TTN: variants seen among roughly 807,000 people sequenced by gnomAD.
TTN encodes the protein connectin.
Under a neutral mutation model 3,223.0 loss-of-function variants are expected in TTN, and 1,525 were observed. The observed-to-expected ratio is 0.47, with a 90% confidence interval of 0.45 to 0.49. The LOEUF (loss-of-function observed/expected upper bound fraction) is 0.49. Among genes scored for constraint, TTN ranks in the 20% least tolerant of loss-of-function variants. The pLI, the probability that TTN is intolerant of heterozygous loss-of-function variation, is 0.00. For synonymous variants in TTN, 14,094 were observed against 15,161.0 expected, an observed-to-expected ratio of 0.93 and a Z score of 5.17; for missense variants, 40,786 against 43,424.0, an observed-to-expected ratio of 0.94 and a Z score of 5.40.
Position 178,570,873 on chromosome 2 carries a change from C to G in TTN, c.75259G>C (p.Ala25087Pro), listed in dbSNP as rs759110420. The G allele has an allele frequency of 6.2e-7, 1 of 1,613,534 alleles. No homozygotes were observed. Residue 25087 changes from alanine (A) to proline (P), a missense_variant, in exon 326 of 363, where the codon GCA becomes CCA. Transcript: ENST00000589042. ...YEFRVIARNAAGVFSEPSEST... is the reference protein window; with the variant it reads ...YEFRVIARNAPGVFSEPSEST... ...TCTGAAGGCTCACTAAACACTCCTG[C>G]GGCATTTCGGGCTATAACCCGGAAC...
At position 178,746,439 on chromosome 2, in the gene TTN, C is replaced by T. The variant is rs397517817; in HGVS notation, c.11312-4518G>A. 6.2e-6 allele frequency: 10 copies of T among 1,611,240 alleles called. No individual in the cohort carries two copies. The highest frequency in any genetic ancestry group is 5.0e-5 in the Admixed American group (3 of 59,620). The stretch of plus-strand genomic sequence containing the variant: ...TTCACCTGCTTCTCAAATTCTTTAA[C>T]GTCTTTTTCACTTAATTCAACTTCC... On this transcript the variant is annotated intron_variant, in intron 47 of 362. Coordinates refer to ENST00000589042, the MANE Select transcript of TTN (RefSeq NM_001267550.2).
chr2:178,749,191 A>G, intron 47 of TTN: 1 of 1,611,226 alleles, frequency 6.2e-7, no homozygotes, highest in Non-Finnish European at 8.5e-7. Context: ...TTTCTGATCT[A>G]CCAAGTTTTC....
rs1348119178 is a variant in TTN at position 178,569,363 on chromosome 2, T to C, written c.76769A>G (p.Lys25590Arg). ...TLTLENSSGT[K>R]SAFVTVRVLD... is the part of the protein sequence containing the mutation. Reference sequence around the variant, plus strand: ...AACTCTCACAGTAACAAAGGCAGACTTTGTTCCACTGCTGTTTTCTAATGT... The same window carrying C: ...AACTCTCACAGTAACAAAGGCAGACCTTGTTCCACTGCTGTTTTCTAATGT... Residue 25590 changes from lysine to arginine, a missense_variant, in exon 326 of 363, where the codon AAG becomes AGG. Physicochemically the swap from Lys to Arg is conservative, Grantham distance 26 (BLOSUM62 2). Transcript: ENST00000589042. 6.2e-7 allele frequency: 1 copy of C among 1,613,444 alleles called. No homozygotes were observed. Among genetic ancestry groups the C allele is most frequent in the Non-Finnish European group, 8.5e-7 (1 of 1,179,568 alleles).
Position 178,664,461 on chromosome 2 carries a change from T to C in TTN, c.36279A>G (p.Lys12093=). Residue 12093 remains lysine, a splice_region_variant and synonymous_variant, in exon 168 of 363, where the codon AAA becomes AAG. Coordinates refer to ENST00000589042, the MANE Select transcript of TTN (RefSeq NM_001267550.2). The stretch of plus-strand genomic sequence containing the variant: ...ATAAAAAGACAGTTAAGAATGTACC[T>C]TTGACAGGTACAACTTCAGCCCTTT... ...PPQRAEVVPV[K]VHEAPKEIIP... is the part of the protein sequence containing the mutation. 6.2e-7 allele frequency: 1 copy of C among 1,609,770 alleles called. No homozygotes were observed. Among genetic ancestry groups the C allele is most frequent in the Non-Finnish European group, 8.5e-7 (1 of 1,177,830 alleles).
At chr2:178,694,142 T>G in intron 117 of TTN, 134 bp from the exon 118 acceptor site, 1 of 631,714 alleles carries the variant, frequency 1.6e-6, no homozygotes. Flanking sequence ...ACAAATTCAG[T>G]ATTGACAAGA....
intron 156 of TTN, 66 bp downstream of exon 156, chr2:178,671,024 G>A (rs1247536869): frequency 4.9e-6 from 6 of 1,212,690 alleles, no homozygotes; most frequent in Admixed American, 2.4e-5. Context: ...GCAAACTTGT[G>A]CTTATAAAGC....
At chr2:178,603,826 A>G (rs1559707590) in intron 282 of TTN, 50 bp downstream of exon 282, 1 of 1,475,854 alleles carries the variant, frequency 6.8e-7, no homozygotes, top group African/African-American at 1.4e-5. Flanking sequence ...TTATCCATTT[A>G]GTGACTTTGT....
At position 178,684,062 on chromosome 2, in the gene TTN, C is replaced by G. The variant is rs72650032; in HGVS notation, c.32743G>C (p.Ala10915Pro). Reference sequence around the variant, plus strand: ...TTCAGAACTTTTTCTTCTGGGACAGCTCTCTTCGGTTCCTCTGGCACTTTA... The same window carrying G: ...TTCAGAACTTTTTCTTCTGGGACAGGTCTCTTCGGTTCCTCTGGCACTTTA... ...KARVPEEPKR[A>P]VPEEKVLKLK... is the part of the protein sequence containing the mutation. The change falls in exon 133 of 363, where the codon GCT (alanine) becomes CCT (proline). Residue 10915 changes from alanine to proline, a missense_variant. By Grantham distance (27) the Ala-to-Pro change is conservative (BLOSUM62 -1). Transcript: ENST00000589042. 5.4e-4 allele frequency: 873 copies of G among 1,611,914 alleles called. 5 individuals carry two copies. The African/African-American group carries it at 0.011, about 19-fold the overall frequency.
chr2:178,718,021 T>C lies in TTN; in HGVS notation c.24985A>G (p.Ser8329Gly). The C allele has an allele frequency of 1.2e-6, 2 of 1,613,802 alleles. No homozygotes were observed. The highest frequency in any genetic ancestry group is 1.7e-6 in the Non-Finnish European group (2 of 1,179,710). ...TTGCATGAATACTCTCCCACATCAC[T>C]GTGATCCACTTTGTTGATTACTAAG... ...ASLVINKVDHSDVGEYSCKAD... is the reference protein window; with the variant it reads ...ASLVINKVDHGDVGEYSCKAD... The change falls in exon 86 of 363, where the codon AGT (serine) becomes GGT (glycine). Residue 8329 changes from serine to glycine, a missense_variant. Physicochemically the swap from Ser to Gly is moderately conservative, Grantham distance 56 (BLOSUM62 0). Coordinates refer to ENST00000589042, the MANE Select transcript of TTN (RefSeq NM_001267550.2).
intron 137 of TTN, 71 bp downstream of exon 137, chr2:178,681,305 G>A (rs2069333616): frequency 1.4e-6 from 2 of 1,475,858 alleles, no homozygotes; most frequent in South Asian, 1.2e-5. Flanking sequence ...ACCATCAGAC[G>A]GGCTAGGAAG....
rs1414594344 is a variant in TTN, at chr2:178,653,255, T to G, written c.38774A>C (p.Glu12925Ala). 3.1e-6 allele frequency: 5 copies of G among 1,612,222 alleles called. No individual in the cohort carries two copies. Among genetic ancestry groups the G allele is most frequent in the Non-Finnish European group, 4.2e-6 (5 of 1,179,354 alleles). The change falls in exon 198 of 363, where the codon GAA becomes GCA. Residue 12925 changes from glutamate to alanine, a missense_variant. Coordinates refer to ENST00000589042, the MANE Select transcript of TTN (RefSeq NM_001267550.2). ...KVPLAPPKKP[E>A]VPPVKVPEAP... ...ACAAATACCTTTAACAGGTGGGACT[T>G]CAGGCTTTTTAGGAGGAGCCAAGGG...
At position 178,586,827 on chromosome 2, in the gene TTN, TAGA is replaced by T. The variant is rs1221262514; in HGVS notation, c.64094-23_64094-21del. ...GCTCACCTAGAAGAAAAACATAATTTAGAAGATTACCTAGGTAACCTAATCAAA... is the reference window on the plus strand; with the variant it reads ...GCTCACCTAGAAGAAAAACATAATTTAGATTACCTAGGTAACCTAATCAAA... On this transcript the variant is annotated intron_variant, in intron 307 of 362. Coordinates refer to ENST00000589042, the MANE Select transcript of TTN (RefSeq NM_001267550.2). 1.9e-6 allele frequency: 3 copies of T among 1,602,872 alleles called. No individual in the cohort carries two copies. The highest frequency in any genetic ancestry group is 2.5e-6 in the Non-Finnish European group (3 of 1,177,084).
chr2:178,641,315 A>G lies in TTN; in HGVS notation c.40559T>C (p.Val13520Ala). 2 of 1,467,768 alleles carry G rather than the reference A, an allele frequency of 1.4e-6. No homozygotes were observed. The highest frequency in any genetic ancestry group is 2.5e-5 in the East Asian group (1 of 39,534). The allele number at this position is 1,467,768 out of a possible 1,614,324, so 90.9% of individuals were successfully genotyped here. A position where few individuals can be genotyped will look rare whatever the true frequency, so the allele number is the denominator to read the frequency against. The change falls in exon 220 of 363, where the codon GTT (valine) becomes GCT (alanine). Residue 13520 changes from valine (V) to alanine (A), a missense_variant and splice_region_variant. Coordinates refer to ENST00000589042, the MANE Select transcript of TTN (RefSeq NM_001267550.2). The part of the protein sequence containing the change: ...EPKEEVVLKS[V>A]LRKRPEEEEP... ...TTCTTCTTCAGGTCTTTTTCTTAGA[A>G]CTTTAAAGACAAAAAGGTTTATATG...
intron 208 of TTN, 108 bp downstream of exon 208, chr2:178,651,135 T>C (rs2062873950): frequency 1.1e-6 from 1 of 893,406 alleles, no homozygotes. Flanking sequence ...AGAATGACAG[T>C]TTTGTAGTTG....
At position 178,545,495 on chromosome 2, in the gene TTN, C is replaced by G. The variant is rs1696652076; in HGVS notation, c.95615G>C (p.Ser31872Thr). The G allele has an allele frequency of 6.2e-7, 1 of 1,613,538 alleles. No homozygotes were observed. Residue 31872 changes from serine to threonine, a missense_variant, in exon 344 of 363, where the codon AGC becomes ACC. Transcript: ENST00000589042. ...VVYDTRLKVT[S>T]LMEGCDYQFR... ...CTGGTAATCACAACCCTCCATCAGGCTGGTCACCTTCAGCCTGGTATCATA... is the reference window on the plus strand; with the variant it reads ...CTGGTAATCACAACCCTCCATCAGGGTGGTCACCTTCAGCCTGGTATCATA...
At position 178,595,809 on chromosome 2, in the gene TTN, T is replaced by C. The variant is rs1304949281; in HGVS notation, c.57545A>G (p.Asp19182Gly). 1.3e-6 allele frequency: 2 copies of C among 1,589,156 alleles called. No individual in the cohort carries two copies. Among genetic ancestry groups the C allele is most frequent in the Non-Finnish European group, 1.7e-6 (2 of 1,167,916 alleles). The change falls in exon 295 of 363, where the codon GAT becomes GGT. Residue 19182 changes from aspartate to glycine, a missense_variant and splice_region_variant. Asp to Gly is a moderately conservative substitution (Grantham distance 94, BLOSUM62 -1). Transcript: ENST00000589042. ...RKKTIIVDVL[D>G]VPGPVGTPFL... ...TGGTGTTCCAACGGGACCTGGAACA[T>C]CTGGAAATAAGAAGAAAATAATTCA...
rs370027329 is a variant in TTN, at chr2:178,776,195, C to G, written c.5669G>C (p.Arg1890Pro). The change falls in exon 28 of 363, where the codon CGC becomes CCC. Residue 1890 changes from arginine (R) to proline (P), a missense_variant. Coordinates refer to ENST00000589042, the MANE Select transcript of TTN (RefSeq NM_001267550.2). ...GTCCAGGTAATGGATACCATCATAG[C>G]GAACTCTGAACCTTTTGCTTTTGCG... is the stretch of plus-strand genomic sequence containing the variant. ...LIRKSKRFRV[R>P]YDGIHYLDIV... 6.2e-7 allele frequency: 1 copy of G among 1,614,134 alleles called. No individual in the cohort carries two copies. The highest frequency in any genetic ancestry group is 8.5e-7 in the Non-Finnish European group (1 of 1,180,000).
At position 178,591,907 on chromosome 2, in the gene TTN, A is replaced by G. The variant is rs764686070; in HGVS notation, c.59927-15T>C. On this transcript the variant is annotated splice_polypyrimidine_tract_variant and intron_variant, in intron 302 of 362. Coordinates refer to ENST00000589042, the MANE Select transcript of TTN (RefSeq NM_001267550.2). ...CCCTGGGGGATCTTTTCAAAGAAGA[A>G]GTTATGATGAAAAAGTAATATTCTT... The G allele has an allele frequency of 6.2e-7, 1 of 1,605,428 alleles. No individual in the cohort carries two copies. The highest frequency in any genetic ancestry group is 8.5e-7 in the Non-Finnish European group (1 of 1,177,582).
chr2:178,571,836 T>A lies in TTN; in HGVS notation c.74296A>T (p.Ser24766Cys). Residue 24766 changes from serine to cysteine, a missense_variant, in exon 326 of 363, where the codon AGC (serine) becomes TGC (cysteine). By Grantham distance (112) the Ser-to-Cys change is moderately radical. Coordinates refer to ENST00000589042, the MANE Select transcript of TTN (RefSeq NM_001267550.2). Reference protein sequence around the residue: ...LKQTTRVNAESTENNSLLTIK... With the variant: ...LKQTTRVNAECTENNSLLTIK... ...GTCAGTAGTGAATTATTTTCTGTGC[T>A]CTCTGCATTTACTCTAGTTGTCTGC... 2 of 1,613,626 alleles carry A rather than the reference T, an allele frequency of 1.2e-6. No homozygotes were observed. Among genetic ancestry groups the A allele is most frequent in the Non-Finnish European group, 1.7e-6 (2 of 1,179,632 alleles).
Sources: gnomAD v4.1 joint callset for allele counts on GRCh38, gnomAD v4.1.1 for gene constraint, MANE v1.5 for transcripts, NCBI Gene and HGNC (gene_info 2026-07-23, HGNC 2026-07-21) for gene names.